SNX29: variants seen among roughly 807,000 people sequenced by gnomAD.
SNX29 encodes the protein sorting nexin-29.
Under a neutral mutation model 102.1 loss-of-function variants are expected in SNX29, and 78 were observed. The observed-to-expected ratio is 0.76, with a 90% CI of 0.64 to 0.92. SNX29 has a LOEUF of 0.92. SNX29 is among the 40% of genes least tolerant of loss of function. SNX29 has a pLI of 0.00. For synonymous variants in SNX29, 580 were observed against 414.5 expected (o/e 1.40, Z -4.85); for missense variants, 1,280 against 1,061.7 (o/e 1.21, Z -2.86).
chr16:12,460,992 G>T (rs890556404), intron 18 of SNX29, among the ~76,000 whole-genome samples: 2 of 152,176 alleles, frequency 1.3e-5, no homozygotes, highest in African/African-American at 2.4e-5. Flanking sequence ...AATAATAGCC[G>T]ACTTTTGTTA....
At chr16:12,536,636 A>G (rs575230036) in intron 20 of SNX29, among the ~76,000 whole-genome samples, 24 of 152,298 alleles carry the variant, frequency 1.6e-4, no homozygotes, top group African/African-American at 4.6e-4. Flanking sequence ...AGGGGTGTAT[A>G]CAGCTAATTT....
chr16:12,209,954 C>G (rs996601544), intron 14 of SNX29, among the ~76,000 whole-genome samples: 3 of 151,768 alleles, frequency 2.0e-5, no homozygotes, highest in Non-Finnish European at 2.9e-5. Context: ...GCTCTGGAGA[C>G]GAATTCGTTT....
intron 16 of SNX29, among the ~76,000 whole-genome samples, chr16:12,395,503 G>T (rs1160036573): frequency 6.6e-6 from 1 of 152,244 alleles, no homozygotes. Flanking sequence ...TGTTGCTCTA[G>T]TAACGGGCTT....
intron 13 of SNX29, among the ~76,000 whole-genome samples, chr16:12,143,107 C>G (rs1043532252): frequency 6.6e-6 from 1 of 151,942 alleles, no homozygotes; most frequent in Non-Finnish European, 1.5e-5. Flanking sequence ...AAGCGATTCT[C>G]CTGCCTCAGC....
chr16:12,381,412 A>C (rs1166294832), intron 16 of SNX29, among the ~76,000 whole-genome samples: 4 of 42,724 alleles, frequency 9.4e-5, no homozygotes, highest in African/African-American at 1.2e-4. Flanking sequence ...CCACTCACCC[A>C]CCCATCATCC....
intron 18 of SNX29, among the ~76,000 whole-genome samples, chr16:12,418,748 C>T (rs1293469099): frequency 6.6e-6 from 1 of 152,160 alleles, no homozygotes; most frequent in Non-Finnish European, 1.5e-5. Context: ...CTCCTAACCT[C>T]AAGTGATCCA....
intron 20 of SNX29, among the ~76,000 whole-genome samples, chr16:12,548,054 G>GCA (rs1198920239): frequency 6.6e-6 from 1 of 152,134 alleles, no homozygotes; most frequent in Non-Finnish European, 1.5e-5. Context: ...ACCACCCCTG[G>GCA]CACACACACG....
intron 13 of SNX29, among the ~76,000 whole-genome samples, chr16:12,172,025 T>G (rs751240165): frequency 6.6e-6 from 1 of 152,206 alleles, no homozygotes; most frequent in Non-Finnish European, 1.5e-5. Context: ...AGTGGTGGTG[T>G]TCTACGTTAC....
chr16:12,444,496 C>A (rs368293294), intron 18 of SNX29, among the ~76,000 whole-genome samples: 2 of 152,272 alleles, frequency 1.3e-5, no homozygotes, highest in East Asian at 3.8e-4. Flanking sequence ...GTACTGGCCC[C>A]AGATCCTGGT....
intron 15 of SNX29, among the ~76,000 whole-genome samples, chr16:12,339,976 AAG>A (rs1209861853): frequency 6.6e-6 from 1 of 152,204 alleles, no homozygotes; most frequent in East Asian, 1.9e-4. Context: ...TTAGCCAAAA[AAG>A]AGGGGAATTC....
At chr16:12,340,087 A>C (rs2081568862) in intron 15 of SNX29, among the ~76,000 whole-genome samples, 1 of 152,226 alleles carries the variant, frequency 6.6e-6, no homozygotes, top group South Asian at 2.1e-4. Flanking sequence ...CACTTTTTAG[A>C]TTTAAATCCA....
intron 18 of SNX29, among the ~76,000 whole-genome samples, chr16:12,417,508 C>G (rs1317658957): frequency 6.6e-6 from 1 of 152,142 alleles, no homozygotes; most frequent in Non-Finnish European, 1.5e-5. Context: ...TCTCTTTGCT[C>G]CCCGCTTTGC....
chr16:12,131,033 G>T (rs931865693), intron 13 of SNX29, among the ~76,000 whole-genome samples: 2 of 152,156 alleles, frequency 1.3e-5, no homozygotes, highest in Non-Finnish European at 2.9e-5. Flanking sequence ...TAGGATTGCT[G>T]GGTCAAAGTG....
intron 15 of SNX29, among the ~76,000 whole-genome samples, chr16:12,318,409 CT>C (rs2080823703): frequency 6.6e-6 from 1 of 152,174 alleles, no homozygotes; most frequent in Admixed American, 6.5e-5. Context: ...AGAGTGTTGG[CT>C]TTCTGCCTCC....
At chr16:12,033,951 G>C (rs992133686) in intron 4 of SNX29, among the ~76,000 whole-genome samples, 1 of 151,994 alleles carries the variant, frequency 6.6e-6, no homozygotes, top group Non-Finnish European at 1.5e-5. Flanking sequence ...GCCACCAAAG[G>C]ACTGCATTCA....
intron 18 of SNX29, among the ~76,000 whole-genome samples, chr16:12,462,845 C>T (rs993486097): frequency 3.3e-5 from 5 of 152,206 alleles, no homozygotes; most frequent in Non-Finnish European, 7.3e-5. Flanking sequence ...TAGCAATGCA[C>T]ATGGCTAAGG....
chr16:12,568,469 C>G (rs755829286), intron 20 of SNX29, 37 bp from the exon 21 acceptor site: 1 of 1,605,386 alleles, frequency 6.2e-7, no homozygotes, highest in Non-Finnish European at 8.5e-7. Context: ...TGCTTTTCAT[C>G]CCCAGACTTA....
chr16:12,573,721 A>C lies in SNX29; in HGVS notation c.*5092A>C, dbSNP rs1227025971. ...TGGGACTGAGGACAGTAGCACACGGAATGGTGGATCGTACATTTGCACCCA... is the reference window on the plus strand; with the variant it reads ...TGGGACTGAGGACAGTAGCACACGGCATGGTGGATCGTACATTTGCACCCA... On this transcript the variant is annotated 3_prime_UTR_variant, in exon 21 of 21. Transcript: ENST00000566228. 9.0e-6 allele frequency: 2 copies of C among 223,456 alleles called. No homozygotes were observed. The highest frequency in any genetic ancestry group is 1.8e-5 in the Non-Finnish European group (2 of 112,074). The allele number at this position is 223,456 out of a possible 1,614,324, so 13.8% of individuals were successfully genotyped here. A position where few individuals can be genotyped will look rare whatever the true frequency, so the allele number is the denominator to read the frequency against.
Position 12,130,368 on chromosome 16 carries a change from G to T in SNX29, c.1595+610G>T, listed in dbSNP as rs576311244. Among the ~76,000 whole-genome samples the T allele has an allele frequency of 5.6e-4, 84 of 151,214 alleles. 1 individual carries two copies. Among genetic ancestry groups the T allele is most frequent in the Admixed American group, 2.6e-3 (40 of 15,188 alleles). On this transcript the variant is annotated intron_variant, in intron 13 of 20. Transcript: ENST00000566228. ...CGGACGCCTGTAGTCCCAGCTACGC[G>T]GGAGGCTGAGGCAGGAGAATGGCGT...
Sources: gnomAD v4.1 joint callset for allele counts (sites outside exome capture counted in the v4.1 genomes callset) on GRCh38, gnomAD v4.1.1 for gene constraint, MANE v1.5 for transcripts, NCBI Gene and HGNC (gene_info 2026-07-23, HGNC 2026-07-21) for gene names.